Variants in VWA3B observed in about 807,000 individuals in gnomAD.
VWA3B encodes von Willebrand factor A domain containing 3B.
In VWA3B, 138 loss-of-function variants were observed where a neutral mutation model predicts 158.3. The ratio of observed to expected loss-of-function variants is 0.87; its 90% CI spans 0.76 to 1.00. VWA3B has a LOEUF of 1.00. VWA3B is among the 50% of genes least tolerant of loss of function. The pLI is 0.00. For synonymous variants in VWA3B, 596 were observed against 587.3 expected (o/e 1.01, Z -0.21); for missense variants, 1,555 against 1,565.1 (o/e 0.99, Z 0.11).
chr2:98,194,909 A>T (rs1681916534), intron 12 of VWA3B, among the ~76,000 whole-genome samples: 1 of 152,218 alleles, frequency 6.6e-6, no homozygotes, highest in Non-Finnish European at 1.5e-5. Context: ...GGAAATACAC[A>T]GTACAATCTG....
At chr2:98,220,886 C>A (rs1019873039) in intron 14 of VWA3B, among the ~76,000 whole-genome samples, 1 of 152,078 alleles carries the variant, frequency 6.6e-6, no homozygotes, top group African/African-American at 2.4e-5. Flanking sequence ...AACCACACAC[C>A]GCATGTTCTC....
intron 1 of VWA3B, among the ~76,000 whole-genome samples, chr2:98,088,994 T>C (rs1386298679): frequency 6.6e-6 from 1 of 152,088 alleles, no homozygotes; most frequent in Non-Finnish European, 1.5e-5. Flanking sequence ...CCTCAGGTGA[T>C]CCGCCCGCCT....
chr2:98,171,334 G>A (rs946924503), intron 8 of VWA3B, among the ~76,000 whole-genome samples: 1 of 152,164 alleles, frequency 6.6e-6, no homozygotes, highest in African/African-American at 2.4e-5. Flanking sequence ...GCTATTCCCA[G>A]GGTCAAGGAA....
In VWA3B at chr2:98,216,982, A is replaced by ACCGCC. The variant is rs1553417707; in HGVS notation, c.1837-862_1837-861insGCCCC. 124 of 1,237,154 alleles carry ACCGCC rather than the reference A, an allele frequency of 1.0e-4. No homozygotes were observed. The South Asian group carries it at 1.3e-3, about 13-fold the overall frequency. 76.6% of individuals were successfully genotyped at this position (1,237,154 alleles called of 1,614,324 possible). On this transcript the variant is annotated intron_variant, in intron 13 of 27. Transcript: ENST00000477737. ...GACTGTCATGTGTATCATTGTAAGC[A>ACCGCC]CCCGCCCCGCACCCAGTCTCAGGTG... is the stretch of plus-strand genomic sequence containing the variant.
At chr2:98,207,522 A>G in intron 12 of VWA3B, 1 of 518,046 alleles carries the variant, frequency 1.9e-6, no homozygotes, top group Non-Finnish European at 3.9e-6. Flanking sequence ...GAATGTGGAT[A>G]ATACAACGTT....
chr2:98,119,488 GT>G, intron 3 of VWA3B, 24 bp from the exon 4 acceptor site: 1 of 1,610,440 alleles, frequency 6.2e-7, no homozygotes. Flanking sequence ...TTGTTTTATT[GT>G]TTTTGTCTTT....
At chr2:98,286,605 T>G (rs993508661) in intron 22 of VWA3B, among the ~76,000 whole-genome samples, 4 of 152,172 alleles carry the variant, frequency 2.6e-5, no homozygotes, top group African/African-American at 9.6e-5. Flanking sequence ...GTTAAACCAG[T>G]GTTGCATTCC....
At chr2:98,110,689 A>G (rs1674069641) in intron 2 of VWA3B, among the ~76,000 whole-genome samples, 1 of 152,222 alleles carries the variant, frequency 6.6e-6, no homozygotes, top group Admixed American at 6.5e-5. Flanking sequence ...CATCATCTGA[A>G]GAGTGCACAT....
chr2:98,281,974 G>A (rs1322648321), intron 22 of VWA3B, among the ~76,000 whole-genome samples: 1 of 152,158 alleles, frequency 6.6e-6, no homozygotes, highest in East Asian at 1.9e-4. Context: ...TCACCCATGG[G>A]TTTCTTTTTA....
intron 7 of VWA3B, among the ~76,000 whole-genome samples, chr2:98,136,946 C>G (rs1573872043): frequency 6.6e-6 from 1 of 152,168 alleles, no homozygotes; most frequent in African/African-American, 2.4e-5. Flanking sequence ...GCGTAATGTC[C>G]TCAAGCTTCA....
chr2:98,285,869 A>G lies in VWA3B; in HGVS notation c.3046-4642A>G, dbSNP rs185235876. ...ATAATGTCTATATATCAGTTTAGGA[A>G]CAAATGACTATCTTAATAATATCAA... is the stretch of plus-strand genomic sequence containing the variant. On this transcript the variant is annotated intron_variant, in intron 22 of 27. Transcript: ENST00000477737. 5.9e-5 allele frequency among the ~76,000 whole-genome samples: 9 copies of G among 152,216 alleles called. No homozygotes were observed. In the East Asian group the frequency reaches 1.7e-3, roughly 29 times the overall value.
chr2:98,126,872 C>T (rs375218542), intron 5 of VWA3B, among the ~76,000 whole-genome samples: 82 of 152,074 alleles, frequency 5.4e-4, no homozygotes, highest in African/African-American at 1.7e-3. Context: ...CCACCCACTG[C>T]GTCCCACCCC....
intron 23 of VWA3B, among the ~76,000 whole-genome samples, chr2:98,294,822 C>T (rs1325573488): frequency 1.3e-5 from 2 of 152,236 alleles, no homozygotes; most frequent in African/African-American, 4.8e-5. Context: ...CCTCTTGCCT[C>T]TGCTGGCCAC....
At chr2:98,288,663 T>G (rs188906948) in intron 22 of VWA3B, among the ~76,000 whole-genome samples, 319 of 152,332 alleles carry the variant, frequency 2.1e-3, no homozygotes, top group African/African-American at 7.2e-3. Context: ...TTTAAACTTT[T>G]AATTCCACTC....
At chr2:98,089,385 G>T (rs568342564) in intron 1 of VWA3B, among the ~76,000 whole-genome samples, 192 of 152,244 alleles carry the variant, frequency 1.3e-3, no homozygotes, top group African/African-American at 4.2e-3. Flanking sequence ...GCTGCGGAAG[G>T]TTGTGAAGGG....
intron 12 of VWA3B, chr2:98,207,643 G>T: frequency 1.1e-5 from 5 of 465,772 alleles, no homozygotes; most frequent in South Asian, 8.3e-5. Flanking sequence ...AGGTGAACAT[G>T]ACCATCTCTC....
chr2:98,230,635 C>T (rs1243617034), intron 16 of VWA3B, among the ~76,000 whole-genome samples: 1 of 152,114 alleles, frequency 6.6e-6, no homozygotes, highest in Non-Finnish European at 1.5e-5. Context: ...CTAGGGAATC[C>T]TTCATGCTGC....
chr2:98,120,905 G>T (rs1045137870), intron 4 of VWA3B, among the ~76,000 whole-genome samples: 1 of 152,178 alleles, frequency 6.6e-6, no homozygotes, highest in African/African-American at 2.4e-5. Context: ...TAGAGCAATA[G>T]AATTGCTGGT....
intron 21 of VWA3B, among the ~76,000 whole-genome samples, chr2:98,265,541 A>T (rs368510910): frequency 2.0e-5 from 3 of 151,776 alleles, no homozygotes; most frequent in Non-Finnish European, 2.9e-5. Context: ...TGATTTATAG[A>T]CCTTTGGGTA....
Sources: gnomAD v4.1 joint callset for allele counts (sites outside exome capture counted in the v4.1 genomes callset) on GRCh38, gnomAD v4.1.1 for gene constraint, MANE v1.5 for transcripts, NCBI Gene and HGNC (gene_info 2026-07-23, HGNC 2026-07-21) for gene names.